The following KLHL32 variants were observed in gnomAD, a reference collection of about 807,000 sequenced individuals.
The protein encoded by KLHL32 is kelch-like protein 32.
KLHL32 carries 35 observed loss-of-function variants against 64.8 expected under a neutral mutation model. The ratio of observed to expected loss-of-function variants is 0.54; its 90% CI spans 0.41 to 0.72. The LOEUF (loss-of-function observed/expected upper bound fraction) is 0.72. Ranked by LOEUF, KLHL32 falls within the 30% of genes least tolerant of loss-of-function variation. KLHL32 has a pLI of 0.00. For missense variants in KLHL32, 589 were observed against 768.5 expected (o/e 0.77, Z 2.76); for synonymous variants, 259 against 281.0 (o/e 0.92, Z 0.78).
intron 4 of KLHL32, among the ~76,000 whole-genome samples, chr6:97,053,577 A>C (rs1236778834): frequency 6.6e-6 from 1 of 152,178 alleles, no homozygotes; most frequent in Non-Finnish European, 1.5e-5. Context: ...TCACTTACTT[A>C]CATGTTATAT....
intron 5 of KLHL32, among the ~76,000 whole-genome samples, chr6:97,065,385 A>G (rs1372517205): frequency 6.6e-6 from 1 of 152,146 alleles, no homozygotes; most frequent in Non-Finnish European, 1.5e-5. Context: ...AATATATCCA[A>G]CTTGTCTGAG....
chr6:97,078,040 T>TA (rs1791879277), intron 5 of KLHL32, among the ~76,000 whole-genome samples: 1 of 152,234 alleles, frequency 6.6e-6, no homozygotes, highest in African/African-American at 2.4e-5. Flanking sequence ...GCCTTATACT[T>TA]ACCGTATCCT....
At chr6:97,083,917 A>G (rs1792988747) in intron 5 of KLHL32, among the ~76,000 whole-genome samples, 1 of 152,176 alleles carries the variant, frequency 6.6e-6, no homozygotes, top group South Asian at 2.1e-4. Flanking sequence ...GGTTTAACCA[A>G]AAGGACAAAA....
intron 6 of KLHL32, among the ~76,000 whole-genome samples, chr6:97,112,897 C>G (rs1174274305): frequency 6.7e-6 from 1 of 148,884 alleles, no homozygotes; most frequent in Admixed American, 6.7e-5. Flanking sequence ...CAAAATTAAA[C>G]AATAATTTTT....
At chr6:97,048,953 T>C (rs1786383426) in intron 4 of KLHL32, among the ~76,000 whole-genome samples, 1 of 152,190 alleles carries the variant, frequency 6.6e-6, no homozygotes, top group Non-Finnish European at 1.5e-5. Flanking sequence ...AATCCTTTCT[T>C]TAGCTGGCAG....
intron 7 of KLHL32, among the ~76,000 whole-genome samples, chr6:97,116,620 G>T (rs898052416): frequency 1.3e-5 from 2 of 152,086 alleles, no homozygotes; most frequent in African/African-American, 4.8e-5. Flanking sequence ...AACCTAGCTT[G>T]TAAAAGAATG....
intron 6 of KLHL32, chr6:97,105,495 G>C (rs748737385): frequency 2.1e-6 from 1 of 470,922 alleles, no homozygotes; most frequent in East Asian, 7.0e-5. Context: ...TGGTGCCCTG[G>C]CTTACCTCAA....
chr6:97,064,304 A>C (rs1336345433), intron 4 of KLHL32, among the ~76,000 whole-genome samples: 1 of 152,244 alleles, frequency 6.6e-6, no homozygotes. Flanking sequence ...ATTATATCAC[A>C]AACTGAATTT....
chr6:97,015,153 C>T lies in KLHL32; in HGVS notation c.205-26339C>T, dbSNP rs189555136. ...CTGAGGCCTCCCTAGCCATGTGCAA[C>T]TGTGAGTCAATTAAACCTCCTTTCT... On this transcript the variant is annotated intron_variant, in intron 3 of 10. Coordinates refer to ENST00000369261, the MANE Select transcript of KLHL32 (RefSeq NM_052904.4). 7.5e-4 allele frequency among the ~76,000 whole-genome samples: 115 copies of T among 152,338 alleles called. 1 individual carries two copies. Among genetic ancestry groups the T allele is most frequent in the Non-Finnish European group, 1.3e-3 (89 of 68,028 alleles).
intron 3 of KLHL32, among the ~76,000 whole-genome samples, chr6:97,016,750 C>G (rs906044634): frequency 1.3e-5 from 2 of 152,150 alleles, no homozygotes; most frequent in African/African-American, 4.8e-5. Flanking sequence ...TGTCCCCAGC[C>G]AAATCTCATC....
chr6:96,961,704 C>T (rs756020439), intron 1 of KLHL32, among the ~76,000 whole-genome samples: 2 of 151,960 alleles, frequency 1.3e-5, no homozygotes, highest in Non-Finnish European at 2.9e-5. Flanking sequence ...ATTGGTGAGT[C>T]GGAAAGGTGA....
chr6:97,005,192 C>T (rs1779524010), intron 3 of KLHL32, among the ~76,000 whole-genome samples: 3 of 152,022 alleles, frequency 2.0e-5, no homozygotes, highest in South Asian at 4.1e-4. Context: ...TCAATTTCTT[C>T]CTGGTTCAGT....
intron 3 of KLHL32, among the ~76,000 whole-genome samples, chr6:96,988,066 C>A (rs1030564572): frequency 6.6e-6 from 1 of 152,158 alleles, no homozygotes; most frequent in Non-Finnish European, 1.5e-5. Context: ...GTCTAAAACA[C>A]CAAAAGCAAT....
chr6:96,971,084 G>A (rs1775055598), intron 2 of KLHL32, among the ~76,000 whole-genome samples: 1 of 152,050 alleles, frequency 6.6e-6, no homozygotes, highest in South Asian at 2.1e-4. Context: ...GTTAAGAAAT[G>A]AGAATCTTTA....
intron 8 of KLHL32, among the ~76,000 whole-genome samples, chr6:97,127,898 G>A (rs1326389838): frequency 1.3e-5 from 2 of 152,184 alleles, no homozygotes; most frequent in Non-Finnish European, 2.9e-5. Flanking sequence ...AGTATCTGAA[G>A]GGTTTTCATC....
intron 4 of KLHL32, among the ~76,000 whole-genome samples, chr6:97,063,579 T>C (rs1454595022): frequency 1.3e-5 from 2 of 152,066 alleles, no homozygotes; most frequent in African/African-American, 4.8e-5. Context: ...AGTTGGAGGC[T>C]TGAGAAAGGA....
intron 1 of KLHL32, among the ~76,000 whole-genome samples, chr6:96,938,724 T>A (rs1272120872): frequency 6.6e-6 from 1 of 152,076 alleles, no homozygotes; most frequent in African/African-American, 2.4e-5. Context: ...CATATACAAG[T>A]TATTTGGTCT....
At chr6:96,909,269 T>C in the KLHL32 span, among the ~76,000 whole-genome samples, 19 of 152,294 alleles carry the variant, frequency 1.2e-4, no homozygotes, top group Middle Eastern at 3.4e-3. Flanking sequence ...AGAAAAAAGA[T>C]AGAAGATAGA....
the KLHL32 span, among the ~76,000 whole-genome samples, chr6:96,916,926 T>C: frequency 6.6e-6 from 1 of 152,154 alleles, no homozygotes; most frequent in East Asian, 1.9e-4. Flanking sequence ...AATCAACCTA[T>C]GGAAAAATGC....
Sources: gnomAD v4.1 joint callset for allele counts (sites outside exome capture counted in the v4.1 genomes callset) on GRCh38, gnomAD v4.1.1 for gene constraint, MANE v1.5 for transcripts, NCBI Gene and HGNC (gene_info 2026-07-23, HGNC 2026-07-21) for gene names.